LRRC37A2: variants seen among roughly 807,000 people sequenced by gnomAD.
The protein encoded by LRRC37A2 is leucine rich repeat containing 37 member A2.
Under a neutral mutation model 68.8 loss-of-function variants are expected in LRRC37A2, and 9 were observed. The ratio of observed to expected loss-of-function variants is 0.13; its 90% CI spans 0.08 to 0.23. The LOEUF is 0.23. Among genes scored for constraint, LRRC37A2 ranks in the 10% least tolerant of loss-of-function variants. The pLI, the probability that LRRC37A2 is intolerant of heterozygous loss-of-function variation, is 1.00. For synonymous variants in LRRC37A2, 63 were observed against 367.6 expected (o/e 0.17, Z 9.48); for missense variants, 168 against 950.4 (o/e 0.18, Z 10.82).
chr17:46,404,825 G>A, the LRRC37A2 span, among the ~76,000 whole-genome samples: 2 of 91,986 alleles, frequency 2.2e-5, no homozygotes, highest in East Asian at 2.5e-4. Flanking sequence ...AGCCGATATC[G>A]CACCAGGGCA....
chr17:46,905,078 T>C, the LRRC37A2 span, among the ~76,000 whole-genome samples: 5 of 151,638 alleles, frequency 3.3e-5, no homozygotes, highest in Non-Finnish European at 7.4e-5. Flanking sequence ...CCTTTTTTTT[T>C]CTTTTTTTTT....
chr17:46,921,367 AC>A, the LRRC37A2 span: 1 of 152,236 alleles, frequency 6.6e-6, no homozygotes, highest in Non-Finnish European at 1.5e-5. Context: ...TAGACCTAAA[AC>A]CATAAAAACC....
chr17:46,749,186 G>A, the LRRC37A2 span, among the ~76,000 whole-genome samples: 2 of 152,170 alleles, frequency 1.3e-5, no homozygotes, highest in Admixed American at 6.5e-5. Context: ...TGAAGAAAGG[G>A]AACTGAGAAT....
At chr17:46,907,529 A>G in the LRRC37A2 span, among the ~76,000 whole-genome samples, 1 of 149,022 alleles carries the variant, frequency 6.7e-6, no homozygotes, top group African/African-American at 2.5e-5. Flanking sequence ...GGAGACCCTC[A>G]GTGCAATTTA....
chr17:46,991,483 C>A, the LRRC37A2 span, among the ~76,000 whole-genome samples: 2 of 151,992 alleles, frequency 1.3e-5, no homozygotes, highest in Non-Finnish European at 2.9e-5. Context: ...AAAAAATTAG[C>A]CGGGTGTGGT....
the LRRC37A2 span, among the ~76,000 whole-genome samples, chr17:46,501,419 C>T: frequency 6.6e-6 from 1 of 151,242 alleles, no homozygotes; most frequent in African/African-American, 2.5e-5. Context: ...AAATGATCCA[C>T]CCGCCTTCGC....
the LRRC37A2 span, chr17:47,018,682 A>G: frequency 6.6e-7 from 1 of 1,520,418 alleles, no homozygotes. Flanking sequence ...ACCCAGCAGG[A>G]GGCTGCAGCT....
chr17:46,940,795 GT>G, the LRRC37A2 span: 4 of 1,496,156 alleles, frequency 2.7e-6, no homozygotes, highest in Non-Finnish European at 3.6e-6. Flanking sequence ...TGCAGAGGTG[GT>G]TTTTGGGTCT....
the LRRC37A2 span, chr17:46,939,281 A>G: frequency 1.9e-6 from 2 of 1,030,280 alleles, no homozygotes; most frequent in Non-Finnish European, 2.3e-6. Flanking sequence ...CCTCAGTGAC[A>G]TGTAGATGAC....
At chr17:46,735,586 G>A in the LRRC37A2 span, among the ~76,000 whole-genome samples, 1 of 152,082 alleles carries the variant, frequency 6.6e-6, no homozygotes, top group Non-Finnish European at 1.5e-5. Flanking sequence ...AATTCCTCAT[G>A]TGTTACCTAC....
chr17:46,903,469 T>C, the LRRC37A2 span, among the ~76,000 whole-genome samples: 1 of 152,274 alleles, frequency 6.6e-6, no homozygotes, highest in African/African-American at 2.4e-5. Context: ...GGCCCCTGAA[T>C]TGACCAATCC....
At chr17:46,861,845 C>T in the LRRC37A2 span, among the ~76,000 whole-genome samples, 1 of 152,182 alleles carries the variant, frequency 6.6e-6, no homozygotes, top group African/African-American at 2.4e-5. Context: ...CAGATGCTGT[C>T]AGAATTCAAC....
At chr17:46,501,331 A>G in the LRRC37A2 span, among the ~76,000 whole-genome samples, 7 of 151,038 alleles carry the variant, frequency 4.6e-5, no homozygotes, top group Admixed American at 4.6e-4. Flanking sequence ...ATGCACCACC[A>G]TGCCTGGCTA....
At chr17:46,815,565 G>A in the LRRC37A2 span, among the ~76,000 whole-genome samples, 1 of 152,044 alleles carries the variant, frequency 6.6e-6, no homozygotes, top group Non-Finnish European at 1.5e-5. Context: ...GGGTTGGGGA[G>A]TGGGGGCAGA....
At chr17:46,736,953 A>C in the LRRC37A2 span, among the ~76,000 whole-genome samples, 7 of 152,224 alleles carry the variant, frequency 4.6e-5, no homozygotes, top group Admixed American at 4.6e-4. Flanking sequence ...AGTGTGACTA[A>C]AGTTGACCAA....
chr17:46,922,897 A>G, the LRRC37A2 span: 2 of 530,240 alleles, frequency 3.8e-6, no homozygotes, highest in South Asian at 2.2e-5. Context: ...GTATCCCGCG[A>G]TTGTCCTTCC....
chr17:46,749,863 G>A, the LRRC37A2 span: 10 of 1,614,012 alleles, frequency 6.2e-6, no homozygotes, highest in African/African-American at 6.7e-5. Context: ...CACCATCCAC[G>A]TGCCCAACAT....
chr17:46,963,886 A>G, the LRRC37A2 span: 1 of 152,230 alleles, frequency 6.6e-6, no homozygotes, highest in Non-Finnish European at 1.5e-5. Flanking sequence ...GCACAATAAG[A>G]GCTCACTGCA....
chr17:46,601,690 A>G, the LRRC37A2 span, among the ~76,000 whole-genome samples: 1 of 148,004 alleles, frequency 6.8e-6, no homozygotes, highest in Non-Finnish European at 1.5e-5. Context: ...GTGTGGGTCT[A>G]AGTGTCGACT....
Sources: gnomAD v4.1 joint callset for allele counts (sites outside exome capture counted in the v4.1 genomes callset) on GRCh38, gnomAD v4.1.1 for gene constraint, MANE v1.5 for transcripts, NCBI Gene and HGNC (gene_info 2026-07-23, HGNC 2026-07-21) for gene names.